DMD: variants seen among roughly 807,000 people sequenced by gnomAD.
The protein encoded by DMD is mutant dystrophin.
Under a neutral mutation model 330.1 loss-of-function variants are expected in DMD, and 63 were observed. The observed-to-expected ratio is 0.19, with a 90% CI of 0.16 to 0.24. DMD has a LOEUF of 0.24. Ranked by LOEUF, DMD falls within the 10% of genes least tolerant of loss-of-function variation. The probability of loss-of-function intolerance (pLI) is 1.00; values close to 1 mark genes in which losing one functional copy is unlikely to be tolerated. For missense variants in DMD, 3,344 were observed against 2,684.1 expected (o/e 1.25, Z -5.43); for synonymous variants, 1,223 against 959.8 (o/e 1.27, Z -5.07).
chrX:31,825,729 C>T (rs2092880148), intron 49 of DMD, among the ~76,000 whole-genome samples: 1 of 111,532 alleles, frequency 9.0e-6, no homozygotes, highest in Non-Finnish European at 1.9e-5. Flanking sequence ...GATGTGATAA[C>T]GACACCCCTG....
intron 29 of DMD, among the ~76,000 whole-genome samples, chrX:32,428,951 T>G (rs2098224462): frequency 9.0e-6 from 1 of 111,504 alleles, no homozygotes; most frequent in African/African-American, 3.3e-5. Context: ...TTTTACTCCA[T>G]TTTTTGCCTA....
chrX:32,616,872 G>A (rs2057623343), intron 11 of DMD, among the ~76,000 whole-genome samples: 2 of 108,379 alleles, frequency 1.8e-5, no homozygotes, highest in South Asian at 8.0e-4. Flanking sequence ...TATCTCATCT[G>A]TATTAACCTA....
intron 7 of DMD, among the ~76,000 whole-genome samples, chrX:32,736,276 G>T (rs1363476710): frequency 1.8e-5 from 2 of 111,441 alleles, no homozygotes; most frequent in Admixed American, 1.9e-4. Context: ...ACAGGTGCTG[G>T]AGAGGATGTG....
chrX:32,589,774 A>C (rs2054690742), intron 13 of DMD, among the ~76,000 whole-genome samples: 1 of 111,617 alleles, frequency 9.0e-6, no homozygotes, highest in South Asian at 3.7e-4. Context: ...CTCAGGACAT[A>C]GCTATAAACC....
At chrX:32,523,911 A>C (rs2148838066) in intron 17 of DMD, among the ~76,000 whole-genome samples, 1 of 108,540 alleles carries the variant, frequency 9.2e-6, no homozygotes, top group South Asian at 4.1e-4. Context: ...GAAAGTAAAT[A>C]ATTTTCATTC....
intron 55 of DMD, among the ~76,000 whole-genome samples, chrX:31,609,068 T>C (rs1365192855): frequency 2.7e-5 from 3 of 112,273 alleles, no homozygotes; most frequent in Non-Finnish European, 5.6e-5. Flanking sequence ...TGCTAGATGA[T>C]TGTTATGTAT....
chrX:32,930,268 A>C (rs1232385252), intron 2 of DMD, among the ~76,000 whole-genome samples: 2 of 111,201 alleles, frequency 1.8e-5, no homozygotes, highest in African/African-American at 6.5e-5. Context: ...CATGAGTATC[A>C]CTTTCGCACC....
At chrX:31,724,090 C>G (rs1002647820) in intron 52 of DMD, among the ~76,000 whole-genome samples, 4 of 112,271 alleles carry the variant, frequency 3.6e-5, no homozygotes, top group African/African-American at 1.3e-4. Context: ...CAGCGGCATC[C>G]TAGTGGATGT....
rs191898981 is a variant in DMD at position 32,391,951 on chromosome X, C to T, written c.4234-1770G>A. 2.6e-4 allele frequency among the ~76,000 whole-genome samples: 29 copies of T among 112,067 alleles called. 1 individual carries two copies. Among genetic ancestry groups the T allele is most frequent in the African/African-American group, 3.2e-5 (1 of 30,898 alleles). On this transcript the variant is annotated intron_variant, in intron 30 of 78. Coordinates refer to ENST00000357033, the MANE Select transcript of DMD (RefSeq NM_004006.3). ...GCCAGTAACAACCATGTCTGTGCCACGTAATTCTGGCCAACTCCATGTTAT... is the reference window on the plus strand; with the variant it reads ...GCCAGTAACAACCATGTCTGTGCCATGTAATTCTGGCCAACTCCATGTTAT...
At chrX:32,721,887 A>G (rs1357209624) in intron 7 of DMD, among the ~76,000 whole-genome samples, 1 of 106,672 alleles carries the variant, frequency 9.4e-6, no homozygotes, top group Non-Finnish European at 1.9e-5. Context: ...CAAGGGTACA[A>G]TTTACAACAC....
intron 44 of DMD, among the ~76,000 whole-genome samples, chrX:32,202,026 T>C (rs1341782102): frequency 8.9e-6 from 1 of 111,885 alleles, no homozygotes; most frequent in Non-Finnish European, 1.9e-5. Flanking sequence ...TAAGAAGCCA[T>C]ACTTGTTTCA....
chrX:32,731,876 C>G lies in DMD; in HGVS notation c.650-32583G>C, dbSNP rs868114118. 8.9e-5 allele frequency among the ~76,000 whole-genome samples: 10 copies of G among 112,341 alleles called. No homozygotes were observed. In the South Asian group the frequency reaches 3.3e-3, roughly 37 times the overall value. Reference sequence around the variant, plus strand: ...GCACCTCTCCTCCTCCAAAGGAACACAGTTCCTCACTAGCAACGGAACAAA... The same window carrying G: ...GCACCTCTCCTCCTCCAAAGGAACAGAGTTCCTCACTAGCAACGGAACAAA... On this transcript the variant is annotated intron_variant, in intron 7 of 78. Transcript: ENST00000357033.
chrX:33,141,063 C>T (rs768739166), intron 1 of DMD, among the ~76,000 whole-genome samples: 1 of 111,614 alleles, frequency 9.0e-6, no homozygotes, highest in Non-Finnish European at 1.9e-5. Flanking sequence ...ATCTTTCCAA[C>T]AAACCTAAAA....
intron 2 of DMD, among the ~76,000 whole-genome samples, chrX:32,984,702 T>C (rs1038646091): frequency 8.9e-6 from 1 of 112,047 alleles, no homozygotes. Context: ...ATTATTATTA[T>C]TACTCATGGA....
intron 21 of DMD, among the ~76,000 whole-genome samples, chrX:32,482,238 T>A (rs1367462414): frequency 3.6e-5 from 4 of 111,633 alleles, no homozygotes; most frequent in Non-Finnish European, 7.6e-5. Context: ...ATCTAGCATA[T>A]AACATGAGTT....
At chrX:33,252,760 A>T (rs906953751) in intron 1 of DMD, among the ~76,000 whole-genome samples, 49 of 111,826 alleles carry the variant, frequency 4.4e-4, no homozygotes, top group African/African-American at 1.5e-3. Context: ...CAATATATAC[A>T]TACACACACA....
chrX:31,650,251 C>T (rs1250902268), intron 54 of DMD, among the ~76,000 whole-genome samples: 1 of 101,682 alleles, frequency 9.8e-6, no homozygotes, highest in Non-Finnish European at 2.0e-5. Context: ...ACATGTCCCA[C>T]CAGGAACTTT....
At position 31,629,381 on chromosome X, in the gene DMD, T is replaced by A. The variant is rs1189697330; in HGVS notation, c.8028-1519A>T. 2.7e-5 allele frequency among the ~76,000 whole-genome samples: 3 copies of A among 111,548 alleles called. No individual in the cohort carries two copies. The East Asian group carries it at 8.5e-4, about 32-fold the overall frequency. ...TTGCTGAGCACACAGTCTTCCACAG[T>A]GGAGTTTCAGTGCTCATACTGGATA... On this transcript the variant is annotated intron_variant, in intron 54 of 78. Transcript: ENST00000357033.
intron 44 of DMD, among the ~76,000 whole-genome samples, chrX:32,132,648 G>A (rs1374762035): frequency 9.0e-6 from 1 of 111,112 alleles, no homozygotes; most frequent in Non-Finnish European, 1.9e-5. Flanking sequence ...GAATCTTGCT[G>A]CTAATTCAAC....
Sources: gnomAD v4.1 joint callset for allele counts (sites outside exome capture counted in the v4.1 genomes callset) on GRCh38, gnomAD v4.1.1 for gene constraint, MANE v1.5 for transcripts, NCBI Gene and HGNC (gene_info 2026-07-23, HGNC 2026-07-21) for gene names.